AGMO: variants seen among roughly 807,000 people sequenced by gnomAD.
AGMO encodes glyceryl-ether monooxygenase.
A neutral mutation model predicts 60.2 loss-of-function variants in AGMO; 75 were observed. The ratio of observed to expected loss-of-function variants is 1.25; its 90% CI spans 1.03 to 1.51. The LOEUF (loss-of-function observed/expected upper bound fraction) is 1.51, where lower values mean the gene tolerates loss of function less well. Ranked by LOEUF, AGMO falls within the 40% of genes most tolerant of loss-of-function variation. The pLI, the probability that AGMO is intolerant of heterozygous loss-of-function variation, is 0.00. For synonymous variants in AGMO, 261 were observed against 177.1 expected, an observed-to-expected ratio of 1.47 and a Z score of -3.76; for missense variants, 763 against 525.5, an observed-to-expected ratio of 1.45 and a Z score of -4.42.
intron 12 of AGMO, among the ~76,000 whole-genome samples, chr7:15,311,987 C>T (rs933631723): frequency 2.0e-5 from 3 of 151,876 alleles, no homozygotes; most frequent in African/African-American, 7.3e-5. Context: ...ATTAGATACA[C>T]CTGAAGAAAG....
intron 3 of AGMO, among the ~76,000 whole-genome samples, chr7:15,503,529 T>A (rs576686217): frequency 1.3e-5 from 2 of 151,308 alleles, no homozygotes; most frequent in East Asian, 3.9e-4. Context: ...AAACAGAAAA[T>A]CTCCATGAAA....
At chr7:15,166,568 C>T in the AGMO span, among the ~76,000 whole-genome samples, 1 of 152,018 alleles carries the variant, frequency 6.6e-6, no homozygotes, top group African/African-American at 2.4e-5. Flanking sequence ...ATCCATCTTA[C>T]GTTTTAAGAA....
chr7:15,326,811 C>T (rs560148937), intron 12 of AGMO, among the ~76,000 whole-genome samples: 1 of 151,704 alleles, frequency 6.6e-6, no homozygotes, highest in East Asian at 1.9e-4. Flanking sequence ...AAAGGCATAG[C>T]GAAAAAGAAA....
intron 12 of AGMO, among the ~76,000 whole-genome samples, chr7:15,279,905 T>A (rs1783912845): frequency 6.6e-6 from 1 of 152,212 alleles, no homozygotes; most frequent in Non-Finnish European, 1.5e-5. Flanking sequence ...TTGTGTGCAT[T>A]TTCAATCTCC....
chr7:15,274,537 TTG>T (rs1364366535), intron 12 of AGMO, among the ~76,000 whole-genome samples: 1 of 152,042 alleles, frequency 6.6e-6, no homozygotes, highest in African/African-American at 2.4e-5. Flanking sequence ...TGTTTTTATT[TTG>T]TGTTGTTGTG....
intron 3 of AGMO, among the ~76,000 whole-genome samples, chr7:15,457,493 G>A (rs528783719): frequency 2.6e-5 from 4 of 152,166 alleles, no homozygotes; most frequent in Middle Eastern, 3.4e-3. Context: ...AATTTTACTC[G>A]AGTACATTTT....
intron 12 of AGMO, among the ~76,000 whole-genome samples, chr7:15,283,020 T>C (rs1784010395): frequency 6.6e-6 from 1 of 152,138 alleles, no homozygotes; most frequent in Non-Finnish European, 1.5e-5. Flanking sequence ...AAACAGTTAT[T>C]TTCAGACAAA....
intron 12 of AGMO, among the ~76,000 whole-genome samples, chr7:15,244,297 T>C (rs1026769705): frequency 1.3e-4 from 20 of 152,334 alleles, no homozygotes; most frequent in Admixed American, 1.2e-3. Context: ...TATTTGAATA[T>C]ATAAAAGACT....
rs146766067 is a variant in AGMO, at chr7:15,560,238, C to G, written c.160G>C (p.Glu54Gln). The G allele has an allele frequency of 1.6e-4, 251 of 1,612,734 alleles. 1 individual carries two copies. The highest frequency in any genetic ancestry group is 5.0e-4 in the Middle Eastern group (3 of 6,044). ...TTGAGAATCCAGCTGACAACAAGTT[C>G]AAGCAGCATCAAAGAAATGAAAAAT... ...TPFFISLMLL[E>Q]LVVSWILKGK... Residue 54 changes from glutamate to glutamine, a missense_variant, in exon 2 of 13, where the codon GAA becomes CAA. Physicochemically the swap from Glu to Gln is conservative, Grantham distance 29. Coordinates refer to ENST00000342526, the MANE Select transcript of AGMO (RefSeq NM_001004320.2).
chr7:15,190,544 G>GA, the AGMO span, among the ~76,000 whole-genome samples: 1 of 151,996 alleles, frequency 6.6e-6, no homozygotes, highest in African/African-American at 2.4e-5. Flanking sequence ...CAGGATGTCT[G>GA]AAAAAATAAG....
At chr7:15,556,111 G>A (rs953654148) in intron 2 of AGMO, among the ~76,000 whole-genome samples, 10 of 151,498 alleles carry the variant, frequency 6.6e-5, no homozygotes, top group African/African-American at 1.7e-4. Flanking sequence ...TTAGCCTCTC[G>A]TGCCAAGGCC....
At chr7:15,172,082 G>T in the AGMO span, among the ~76,000 whole-genome samples, 2 of 152,018 alleles carry the variant, frequency 1.3e-5, no homozygotes, top group African/African-American at 4.8e-5. Flanking sequence ...AGAATGTTTT[G>T]TTCACCACAG....
chr7:15,428,679 A>G (rs1781138311), intron 4 of AGMO, among the ~76,000 whole-genome samples: 1 of 152,114 alleles, frequency 6.6e-6, no homozygotes, highest in African/African-American at 2.4e-5. Context: ...TAAATATATC[A>G]TCTCCAAGAT....
intron 3 of AGMO, among the ~76,000 whole-genome samples, chr7:15,491,433 A>G (rs1783062639): frequency 6.6e-6 from 1 of 152,198 alleles, no homozygotes; most frequent in Admixed American, 6.5e-5. Context: ...GATTGGAAAT[A>G]AGTAAGTACA....
intron 12 of AGMO, among the ~76,000 whole-genome samples, chr7:15,259,541 A>G (rs2128509081): frequency 6.6e-6 from 1 of 152,306 alleles, no homozygotes. Context: ...ACATCCAAAT[A>G]CAAGAAACCC....
At chr7:15,448,054 CA>C (rs1179575772) in intron 3 of AGMO, among the ~76,000 whole-genome samples, 1 of 152,162 alleles carries the variant, frequency 6.6e-6, no homozygotes, top group East Asian at 1.9e-4. Flanking sequence ...GAAAACAATG[CA>C]GTGTGTAGGG....
chr7:15,161,341 A>G, the AGMO span, among the ~76,000 whole-genome samples: 1 of 152,122 alleles, frequency 6.6e-6, no homozygotes, highest in Non-Finnish European at 1.5e-5. Flanking sequence ...TTCTGCCTGC[A>G]GATGGCCTTT....
chr7:15,447,840 C>A (rs1290778961), intron 3 of AGMO, among the ~76,000 whole-genome samples: 1 of 152,106 alleles, frequency 6.6e-6, no homozygotes, highest in Non-Finnish European at 1.5e-5. Context: ...GCGTGAGCCA[C>A]CGGGCCCAGC....
chr7:15,346,421 T>C (rs551957311), intron 12 of AGMO, among the ~76,000 whole-genome samples: 8 of 152,084 alleles, frequency 5.3e-5, no homozygotes, highest in Non-Finnish European at 1.2e-4. Flanking sequence ...TTTAAACTAA[T>C]AGTGTTTCAC....
Sources: allele counts gnomAD v4.1 joint callset (sites outside exome capture counted in the v4.1 genomes callset), GRCh38; gene constraint gnomAD v4.1.1; transcripts MANE v1.5; gene names NCBI Gene and HGNC (gene_info 2026-07-23, HGNC 2026-07-21).